Variants in MARCHF10 observed in about 807,000 individuals in gnomAD.
MARCHF10 encodes the protein membrane associated ring-CH-type finger 10.
Under a neutral mutation model 76.2 loss-of-function variants are expected in MARCHF10, and 64 were observed. The observed-to-expected ratio is 0.84, with a 90% CI of 0.69 to 1.03. The LOEUF (loss-of-function observed/expected upper bound fraction) is 1.03. MARCHF10 is among the 50% of genes least tolerant of loss of function. MARCHF10 has a pLI of 0.00. For missense variants in MARCHF10, 875 were observed against 958.0 expected, an observed-to-expected ratio of 0.91 and a Z score of 1.14; for synonymous variants, 340 against 357.5, an observed-to-expected ratio of 0.95 and a Z score of 0.55.
chr17:62,799,969 T>C (rs2093045633), intron 2 of MARCHF10, among the ~76,000 whole-genome samples: 1 of 152,150 alleles, frequency 6.6e-6, no homozygotes, highest in Non-Finnish European at 1.5e-5. Flanking sequence ...CAGTCAAGTG[T>C]CACTTCCTCA....
intron 4 of MARCHF10, among the ~76,000 whole-genome samples, chr17:62,753,103 T>C (rs1334409472): frequency 1.3e-5 from 2 of 152,120 alleles, no homozygotes; most frequent in Admixed American, 6.6e-5. Flanking sequence ...CTTCTCTCTC[T>C]CTCTCTCTCT....
intron 1 of MARCHF10, among the ~76,000 whole-genome samples, chr17:62,806,809 A>G (rs2093171619): frequency 6.6e-6 from 1 of 152,246 alleles, no homozygotes; most frequent in African/African-American, 2.4e-5. Context: ...TCAGTGCTCT[A>G]AAAGTCATGC....
chr17:62,744,356 C>G lies in MARCHF10; in HGVS notation c.535+20G>C, dbSNP rs201109186. ...GTCCTCCTCTCCAAGGACAAAGGTT[C>G]GGGAGCCCCGGGTCCTTACCTGCTC... On this transcript the variant is annotated intron_variant, in intron 5 of 10. Transcript: ENST00000311269. 6.2e-7 allele frequency: 1 copy of G among 1,604,502 alleles called. No homozygotes were observed. Among genetic ancestry groups the G allele is most frequent in the South Asian group, 1.1e-5 (1 of 88,876 alleles).
chr17:62,785,057 C>T (rs2148098067), intron 3 of MARCHF10, among the ~76,000 whole-genome samples: 1 of 152,236 alleles, frequency 6.6e-6, no homozygotes, highest in East Asian at 1.9e-4. Context: ...AAAAAGAACC[C>T]TCATTGCCAA....
intron 10 of MARCHF10, among the ~76,000 whole-genome samples, chr17:62,703,102 C>T (rs2089347907): frequency 6.6e-6 from 1 of 152,238 alleles, no homozygotes; most frequent in Non-Finnish European, 1.5e-5. Flanking sequence ...CCCCAGCTGC[C>T]CTAACCTCGG....
intron 2 of MARCHF10, among the ~76,000 whole-genome samples, chr17:62,795,532 C>T (rs776523171): frequency 6.6e-6 from 1 of 152,146 alleles, no homozygotes; most frequent in Non-Finnish European, 1.5e-5. Context: ...GGGTCCCACC[C>T]AACCACTGAA....
chr17:62,757,520 T>C (rs183818569), intron 4 of MARCHF10, among the ~76,000 whole-genome samples: 144 of 152,358 alleles, frequency 9.5e-4, no homozygotes, highest in African/African-American at 2.5e-3. Flanking sequence ...CATTTCACTA[T>C]GCTAATTAGG....
chr17:62,775,773 A>G (rs2092543187), intron 3 of MARCHF10, among the ~76,000 whole-genome samples: 1 of 152,076 alleles, frequency 6.6e-6, no homozygotes. Flanking sequence ...TCACAATTTA[A>G]AAATTTTAAA....
chr17:62,778,793 T>C (rs2092601979), intron 3 of MARCHF10, among the ~76,000 whole-genome samples: 1 of 151,538 alleles, frequency 6.6e-6, no homozygotes, highest in African/African-American at 2.4e-5. Context: ...TTTCAGTGTT[T>C]GATTGCTGGA....
intron 4 of MARCHF10, among the ~76,000 whole-genome samples, chr17:62,758,807 G>A (rs1463178843): frequency 3.3e-5 from 5 of 152,176 alleles, no homozygotes; most frequent in Admixed American, 2.6e-4. Context: ...CACTGTTGAC[G>A]AATTCTTCAG....
At chr17:62,774,980 G>A (rs374360871) in intron 3 of MARCHF10, among the ~76,000 whole-genome samples, 2 of 151,952 alleles carry the variant, frequency 1.3e-5, no homozygotes, top group South Asian at 2.1e-4. Flanking sequence ...CTTGAACCTC[G>A]GAGGCGGAGG....
intron 3 of MARCHF10, among the ~76,000 whole-genome samples, chr17:62,773,761 G>A (rs1424349534): frequency 5.3e-5 from 8 of 152,128 alleles, no homozygotes; most frequent in Non-Finnish European, 7.4e-5. Context: ...AGAGGAGGGC[G>A]TGAAGATTAG....
chr17:62,749,437 T>G (rs923029640), intron 4 of MARCHF10, among the ~76,000 whole-genome samples: 1 of 152,180 alleles, frequency 6.6e-6, no homozygotes, highest in Non-Finnish European at 1.5e-5. Flanking sequence ...AAGATCCCAA[T>G]GGAGAGACAA....
chr17:62,800,534 G>C (rs577750136), intron 2 of MARCHF10, among the ~76,000 whole-genome samples: 1 of 152,186 alleles, frequency 6.6e-6, no homozygotes, highest in Non-Finnish European at 1.5e-5. Context: ...GTATTATACA[G>C]GTGAAATCAG....
intron 5 of MARCHF10, among the ~76,000 whole-genome samples, chr17:62,742,024 C>CTTTTTTTTT (rs35748252): frequency 7.5e-6 from 1 of 133,006 alleles, no homozygotes; most frequent in Non-Finnish European, 1.6e-5. Context: ...TTCTTTTTTT[C>CTTTTTTTTT]TTTTTTTTTT....
Position 62,723,559 on chromosome 17 carries a change from CTTT to C in MARCHF10, c.2105-965_2105-963del, listed in dbSNP as rs60456766. Among the ~76,000 whole-genome samples, 16 of 80,358 alleles carry C rather than the reference CTTT, an allele frequency of 2.0e-4. 1 individual carries two copies. The highest frequency in any genetic ancestry group is 8.6e-4 in the South Asian group (2 of 2,314). The allele number at this position is 80,358 out of a possible 152,430, so 52.7% of individuals were successfully genotyped here. A position where few individuals can be genotyped will look rare whatever the true frequency, so the allele number is the denominator to read the frequency against. ...CCTTATCTGCATTTTGTTCGCTTGA[CTTT>C]TTTTTTTTTTTTTTTTAGCGTCATT... On this transcript the variant is annotated intron_variant, in intron 7 of 10. Coordinates refer to ENST00000311269, the MANE Select transcript of MARCHF10 (RefSeq NM_152598.4).
chr17:62,747,253 C>T (rs749810560), intron 4 of MARCHF10, among the ~76,000 whole-genome samples: 13 of 152,316 alleles, frequency 8.5e-5, no homozygotes, highest in Middle Eastern at 3.4e-3. Flanking sequence ...AACTAGAACA[C>T]ATTTTTTTGT....
intron 1 of MARCHF10, 93 bp from the exon 2 acceptor site, chr17:62,801,845 G>A: frequency 1.1e-6 from 1 of 931,870 alleles, no homozygotes. Flanking sequence ...TTTTATTTGT[G>A]TATTCATCTA....
At chr17:62,790,572 T>C (rs1283623496) in intron 2 of MARCHF10, among the ~76,000 whole-genome samples, 1 of 152,126 alleles carries the variant, frequency 6.6e-6, no homozygotes, top group Non-Finnish European at 1.5e-5. Flanking sequence ...TCATAGAAAA[T>C]GAATTTGAAG....
Sources: allele counts gnomAD v4.1 joint callset (sites outside exome capture counted in the v4.1 genomes callset), GRCh38; gene constraint gnomAD v4.1.1; transcripts MANE v1.5; gene names NCBI Gene and HGNC (gene_info 2026-07-23, HGNC 2026-07-21).